Variants in NUP107 observed in about 807,000 individuals in gnomAD.
NUP107 encodes nucleoporin 107, also known as nuclear pore complex protein Nup107.
NUP107 carries 101 observed loss-of-function variants against 141.0 expected under a neutral mutation model. That is an observed-to-expected ratio of 0.72 (90% CI 0.61 to 0.84). The LOEUF is 0.84. Among genes scored for constraint, NUP107 ranks in the 40% least tolerant of loss-of-function variants. The pLI, the probability that NUP107 is intolerant of heterozygous loss-of-function variation, is 0.00. For missense variants in NUP107, 941 were observed against 1,102.7 expected (o/e 0.85, Z 2.08); for synonymous variants, 319 against 363.9 (o/e 0.88, Z 1.41).
intron 1 of NUP107, 129 bp downstream of exon 1, chr12:68,687,202 C>A: frequency 7.6e-7 from 1 of 1,322,050 alleles, no homozygotes; most frequent in East Asian, 2.3e-5. Flanking sequence ...AGGCTCCTTC[C>A]CCATGCCGGG....
In NUP107 at chr12:68,741,964, G is replaced by A. The variant is rs200326452; in HGVS notation, c.2654G>A (p.Arg885His). 1.7e-4 allele frequency: 266 copies of A among 1,603,308 alleles called. No homozygotes were observed. The highest frequency in any genetic ancestry group is 1.6e-4 in the Non-Finnish European group (191 of 1,173,860). The change falls in exon 27 of 28, where the codon CGC (arginine) becomes CAC (histidine). Residue 885 changes from arginine to histidine, a missense_variant. Arg to His is a conservative substitution (Grantham distance 29). Coordinates refer to ENST00000229179, the MANE Select transcript of NUP107 (RefSeq NM_020401.4). ...LQLADMVSSE[R>H]HKLYLVFSKE... ...TTAGCAGATATGGTATCCTCTGAGC[G>A]CCACAAACTGTACCTGGTAAGTTCT...
At chr12:68,714,974 A>G (rs1004753200) in intron 11 of NUP107, among the ~76,000 whole-genome samples, 5 of 152,320 alleles carry the variant, frequency 3.3e-5, no homozygotes, top group South Asian at 2.1e-4. Context: ...GTCTAATTCT[A>G]TTTAAACTTG....
At chr12:68,731,331 G>A in intron 21 of NUP107, 71 bp downstream of exon 21, 1 of 1,407,792 alleles carries the variant, frequency 7.1e-7, no homozygotes, top group Non-Finnish European at 9.5e-7. Context: ...AGTAACATTT[G>A]TCCTTATAGT....
intron 24 of NUP107, 29 bp downstream of exon 24, chr12:68,733,641 G>A (rs1877941102): frequency 1.3e-6 from 2 of 1,572,682 alleles, no homozygotes; most frequent in African/African-American, 1.4e-5. Context: ...CCACAGATGT[G>A]CCTACTTCAT....
At chr12:68,690,531 A>G (rs1875729705) in intron 3 of NUP107, 100 bp from the exon 4 acceptor site, 8 of 1,482,660 alleles carry the variant, frequency 5.4e-6, no homozygotes, top group Admixed American at 1.9e-5. Flanking sequence ...TAAATAATGG[A>G]AAACTGAAAA....
rs377530292 is a variant in NUP107 at position 68,696,812 on chromosome 12, G to C, written c.449-7G>C. On this transcript the variant is annotated splice_region_variant and splice_polypyrimidine_tract_variant and intron_variant, in intron 5 of 27. Transcript: ENST00000229179. The stretch of plus-strand genomic sequence containing the variant: ...TTATTCCTTTTTTTTTTTTTGATGT[G>C]TTCTAGCATCCATGAGTATGTTTTC... 9.9e-6 allele frequency: 14 copies of C among 1,409,172 alleles called. No homozygotes were observed. The African/African-American group carries it at 1.9e-4, about 19-fold the overall frequency. 87.3% of individuals were successfully genotyped at this position (1,409,172 alleles called of 1,614,324 possible). A position where few individuals can be genotyped will look rare whatever the true frequency, so the allele number is the denominator to read the frequency against.
intron 5 of NUP107, 111 bp downstream of exon 5, chr12:68,692,223 T>C: frequency 3.4e-6 from 4 of 1,160,626 alleles, no homozygotes; most frequent in Non-Finnish European, 4.8e-6. Context: ...TTTCTTTCTG[T>C]CTTTTTTTCT....
chr12:68,710,667 A>AG (rs1350077152), intron 10 of NUP107, among the ~76,000 whole-genome samples: 3 of 151,590 alleles, frequency 2.0e-5, no homozygotes, highest in Non-Finnish European at 4.4e-5. Flanking sequence ...AAAAAAAAAA[A>AG]AACAGAAAAG....
intron 26 of NUP107, among the ~76,000 whole-genome samples, chr12:68,740,684 G>GT (rs1024127923): frequency 1.0e-3 from 149 of 147,228 alleles, no homozygotes; most frequent in East Asian, 3.0e-3. Context: ...AGCTTGTCCT[G>GT]TTTTTTTTTT....
intron 8 of NUP107, among the ~76,000 whole-genome samples, 166 bp from the exon 9 acceptor site, chr12:68,709,072 T>TA (rs1876725373): frequency 6.6e-6 from 1 of 152,236 alleles, no homozygotes; most frequent in African/African-American, 2.4e-5. Context: ...ACACAATAGA[T>TA]ACCTTTCAAT....
At chr12:68,728,285 C>CAAAA (rs553304592) in intron 20 of NUP107, among the ~76,000 whole-genome samples, 3 of 84,486 alleles carry the variant, frequency 3.6e-5, no homozygotes, top group African/African-American at 4.4e-5. Flanking sequence ...GAGACCATCT[C>CAAAA]AAAAAAAAAA....
rs1592501469 is a variant in NUP107, at chr12:68,706,518, T to G, written c.730-2720T>G. On this transcript the variant is annotated intron_variant, in intron 8 of 27. Coordinates refer to ENST00000229179, the MANE Select transcript of NUP107 (RefSeq NM_020401.4). ...AGCTGCAGACGCTGGCTTGGAAGCA[T>G]GGGATGACCCGTGGTGCACAAAGAC... The G allele has an allele frequency of 8.8e-6, 6 of 681,848 alleles. No individual in the cohort carries two copies. In the East Asian group the frequency reaches 1.6e-4, roughly 18 times the overall value. 42.2% of individuals were successfully genotyped at this position (681,848 alleles called of 1,614,324 possible).
intron 8 of NUP107, among the ~76,000 whole-genome samples, chr12:68,703,904 T>C (rs1052407709): frequency 6.6e-6 from 1 of 152,228 alleles, no homozygotes; most frequent in African/African-American, 2.4e-5. Context: ...ATTTTTGCTG[T>C]AGCCATTAAT....
chr12:68,696,793 C>CCTT, intron 5 of NUP107, 26 bp from the exon 6 acceptor site: 1 of 1,027,354 alleles, frequency 9.7e-7, no homozygotes, highest in Non-Finnish European at 1.4e-6. Flanking sequence ...TTCTTTATTC[C>CCTT]TTTTTTTTTT....
intron 1 of NUP107, chr12:68,687,348 G>A: frequency 1.3e-6 from 1 of 770,728 alleles, no homozygotes; most frequent in Non-Finnish European, 1.8e-6. Flanking sequence ...TCGCTCCTGG[G>A]GTGGGCGGGG....
chr12:68,690,848 C>T lies in NUP107; in HGVS notation c.303+102C>T. ...GAACTCCTGACCTCAAGTGATTCTC[C>T]CGCCTTGGCCTCCCAGAAGTCAGGA... On this transcript the variant is annotated intron_variant, in intron 4 of 27. Transcript: ENST00000229179. 4.4e-6 allele frequency: 5 copies of T among 1,139,236 alleles called. No individual in the cohort carries two copies. In the South Asian group the frequency reaches 4.5e-5, roughly 10 times the overall value. The allele number at this position is 1,139,236 out of a possible 1,614,324, so 70.6% of individuals were successfully genotyped here.
intron 1 of NUP107, chr12:68,687,410 C>T (rs1304907724): frequency 9.2e-7 from 1 of 1,086,542 alleles, no homozygotes; most frequent in African/African-American, 1.6e-5. Context: ...ATCACAAAGC[C>T]AGTCAGTGAA....
intron 11 of NUP107, chr12:68,714,228 A>C (rs1455512426): frequency 1.3e-5 from 2 of 154,082 alleles, no homozygotes; most frequent in African/African-American, 4.8e-5. Context: ...CTAAAAACAA[A>C]GGAATGAAGC....
At chr12:68,726,369 T>C (rs1877563548) in intron 18 of NUP107, 130 bp from the exon 19 acceptor site, 1 of 633,674 alleles carries the variant, frequency 1.6e-6, no homozygotes, top group African/African-American at 1.8e-5. Context: ...TGTAGAGTTA[T>C]ATCATGGCTA....
Sources: gnomAD v4.1 joint callset for allele counts (sites outside exome capture counted in the v4.1 genomes callset) on GRCh38, gnomAD v4.1.1 for gene constraint, MANE v1.5 for transcripts, NCBI Gene and HGNC (gene_info 2026-07-23, HGNC 2026-07-21) for gene names.